The following NTNG1 variants were observed in gnomAD, a reference collection of about 807,000 sequenced individuals.
The protein encoded by NTNG1 is netrin G1, also known as netrin-G1.
A neutral mutation model predicts 54.0 loss-of-function variants in NTNG1; 16 were observed. The ratio of observed to expected loss-of-function variants is 0.30; its 90% CI spans 0.20 to 0.45. NTNG1 has a LOEUF of 0.45. Among genes scored for constraint, NTNG1 ranks in the 20% least tolerant of loss-of-function variants. NTNG1 has a pLI of 1.00. For missense variants in NTNG1, 530 were observed against 678.7 expected (o/e 0.78, Z 2.43); for synonymous variants, 255 against 263.1 (o/e 0.97, Z 0.30).
chr1:107,328,776 A>G (rs1404998833), intron 3 of NTNG1, among the ~76,000 whole-genome samples: 3 of 152,198 alleles, frequency 2.0e-5, no homozygotes, highest in African/African-American at 7.2e-5. Flanking sequence ...AAACAATTTC[A>G]AAGAAATAAT....
chr1:107,428,112 T>C (rs1441551902), intron 5 of NTNG1, among the ~76,000 whole-genome samples: 2 of 152,082 alleles, frequency 1.3e-5, no homozygotes, highest in Non-Finnish European at 2.9e-5. Context: ...AAAGGAACCA[T>C]AGTATGAAAA....
chr1:107,466,944 T>C (rs1677645389), intron 7 of NTNG1, among the ~76,000 whole-genome samples: 1 of 152,188 alleles, frequency 6.6e-6, no homozygotes, highest in Non-Finnish European at 1.5e-5. Context: ...ACTAAGCAGA[T>C]CTGTTCTCAC....
At chr1:107,290,984 T>TATATATAC (rs1160371267) in intron 2 of NTNG1, among the ~76,000 whole-genome samples, 16 of 140,012 alleles carry the variant, frequency 1.1e-4, no homozygotes, top group African/African-American at 3.8e-4. Context: ...TATATATATA[T>TATATATAC]ACACACACAC....
At chr1:107,480,569 T>TGGCC in intron 7 of NTNG1, 42 bp from the exon 8 acceptor site, 1 of 609,596 alleles carries the variant, frequency 1.6e-6, no homozygotes, top group Non-Finnish European at 3.1e-6. Flanking sequence ...CTGCTTCTCC[T>TGGCC]CCCCGCGCCC....
chr1:107,275,691 A>G (rs1664432477), intron 2 of NTNG1, among the ~76,000 whole-genome samples: 1 of 152,236 alleles, frequency 6.6e-6, no homozygotes, highest in Non-Finnish European at 1.5e-5. Context: ...TACTCAAGGA[A>G]GGGTCAGCCT....
intron 7 of NTNG1, among the ~76,000 whole-genome samples, chr1:107,462,637 G>A (rs1042826062): frequency 1.3e-5 from 2 of 152,194 alleles, no homozygotes; most frequent in African/African-American, 4.8e-5. Context: ...CAAACAGGAA[G>A]CCAAACTATG....
chr1:107,212,523 A>G (rs549112147), intron 2 of NTNG1, among the ~76,000 whole-genome samples: 1 of 152,310 alleles, frequency 6.6e-6, no homozygotes, highest in East Asian at 1.9e-4. Flanking sequence ...TGTTATATGA[A>G]CAGTAATGTC....
At chr1:107,432,529 T>C (rs1013036145) in intron 6 of NTNG1, among the ~76,000 whole-genome samples, 2 of 152,194 alleles carry the variant, frequency 1.3e-5, no homozygotes, top group South Asian at 4.1e-4. Context: ...TTCATAACAC[T>C]TGGGTTACAA....
At position 107,178,083 on chromosome 1, in the gene NTNG1, C is replaced by G. The variant is rs188537128; in HGVS notation, c.246+29244C>G. Among the ~76,000 whole-genome samples the G allele has an allele frequency of 9.9e-5, 15 of 152,284 alleles. No homozygotes were observed. In the East Asian group the frequency reaches 2.9e-3, roughly 29 times the overall value. On this transcript the variant is annotated intron_variant, in intron 2 of 7. Transcript: ENST00000370068. ...GTGTTAAGATTTTTATTCTGCCTTG[C>G]AAATGCAACTAAGTCTTATGTCCTT... is the stretch of plus-strand genomic sequence containing the variant.
chr1:107,433,755 C>T (rs1235277593), intron 6 of NTNG1, among the ~76,000 whole-genome samples: 2 of 152,162 alleles, frequency 1.3e-5, no homozygotes, highest in Non-Finnish European at 2.9e-5. Context: ...CCTTAAAAAG[C>T]TGTAGATTTC....
chr1:107,332,492 C>G (rs1668343162), intron 3 of NTNG1, among the ~76,000 whole-genome samples: 1 of 152,100 alleles, frequency 6.6e-6, no homozygotes, highest in Admixed American at 6.6e-5. Flanking sequence ...GGCAGCAGTA[C>G]ACCAGCTTCT....
intron 4 of NTNG1, among the ~76,000 whole-genome samples, chr1:107,396,285 C>T (rs1328240127): frequency 6.6e-6 from 1 of 152,124 alleles, no homozygotes; most frequent in Admixed American, 6.6e-5. Flanking sequence ...TTCAAAGCAG[C>T]AGCTGTGAGA....
intron 3 of NTNG1, among the ~76,000 whole-genome samples, chr1:107,337,038 T>G (rs950019789): frequency 1.2e-4 from 18 of 151,938 alleles, no homozygotes; most frequent in Non-Finnish European, 4.4e-5. Context: ...ACAGACACTG[T>G]GGAAAACAGT....
intron 3 of NTNG1, among the ~76,000 whole-genome samples, chr1:107,347,587 G>A (rs1295703700): frequency 2.0e-5 from 3 of 152,292 alleles, no homozygotes; most frequent in Admixed American, 1.3e-4. Flanking sequence ...ATAGTGTGCT[G>A]CACTTGGTGT....
chr1:107,333,332 T>A (rs1228671284), intron 3 of NTNG1, among the ~76,000 whole-genome samples: 1 of 151,962 alleles, frequency 6.6e-6, no homozygotes, highest in East Asian at 1.9e-4. Context: ...CAAAATGAGA[T>A]TTTTATACTA....
intron 3 of NTNG1, among the ~76,000 whole-genome samples, chr1:107,334,907 T>G (rs767278252): frequency 2.0e-5 from 3 of 152,112 alleles, no homozygotes; most frequent in South Asian, 2.1e-4. Flanking sequence ...TATGGCCACC[T>G]CTAAATATTC....
At chr1:107,329,480 G>A (rs1338084236) in intron 3 of NTNG1, among the ~76,000 whole-genome samples, 1 of 152,198 alleles carries the variant, frequency 6.6e-6, no homozygotes, top group Non-Finnish European at 1.5e-5. Flanking sequence ...TGTCAGGCAA[G>A]CAAGAACACT....
In NTNG1 at chr1:107,163,754, G is replaced by A. The variant is rs539848520; in HGVS notation, c.246+14915G>A. Among the ~76,000 whole-genome samples, 16 of 152,216 alleles carry A rather than the reference G, an allele frequency of 1.1e-4. No individual in the cohort carries two copies. The Middle Eastern group carries it at 0.014, about 129-fold the overall frequency. On this transcript the variant is annotated intron_variant, in intron 2 of 7. Transcript: ENST00000370068. Reference sequence around the variant, plus strand: ...AACTGCTTTAGAAATGTCTACGAACGATGTAATAACTATTTCTGAAAACAA... The same window carrying A: ...AACTGCTTTAGAAATGTCTACGAACAATGTAATAACTATTTCTGAAAACAA...
intron 2 of NTNG1, among the ~76,000 whole-genome samples, chr1:107,208,604 C>T (rs12132631): frequency 0.033 from 5,036 of 152,222 alleles, 108 homozygotes; most frequent in Non-Finnish European, 0.052. Flanking sequence ...TCTGTTGTCC[C>T]TGTCCCCAGA....
Sources: gnomAD v4.1 joint callset for allele counts (sites outside exome capture counted in the v4.1 genomes callset) on GRCh38, gnomAD v4.1.1 for gene constraint, MANE v1.5 for transcripts, NCBI Gene and HGNC (gene_info 2026-07-23, HGNC 2026-07-21) for gene names.